The following MITF variants were observed in gnomAD, a reference collection of about 807,000 sequenced individuals.
The protein encoded by MITF is melanocyte inducing transcription factor, also known as microphthalmia-associated transcription factor.
In MITF, 17 loss-of-function variants were observed where a neutral mutation model predicts 60.5. The ratio of observed to expected loss-of-function variants is 0.28; its 90% CI spans 0.19 to 0.42. The LOEUF (loss-of-function observed/expected upper bound fraction) is 0.42, where lower values mean the gene tolerates loss of function less well. Ranked by LOEUF, MITF falls within the 10% of genes least tolerant of loss-of-function variation. MITF has a pLI of 1.00. For synonymous variants in MITF, 260 were observed against 248.5 expected (o/e 1.05, Z -0.43); for missense variants, 622 against 683.5 (o/e 0.91, Z 1.00).
chr3:69,801,409 A>G (rs1475446327), intron 1 of MITF, among the ~76,000 whole-genome samples: 2 of 152,232 alleles, frequency 1.3e-5, no homozygotes, highest in Non-Finnish European at 2.9e-5. Flanking sequence ...TGTCAAATCA[A>G]TAACAGTATA....
At chr3:69,745,018 T>A (rs1321699912) in intron 1 of MITF, among the ~76,000 whole-genome samples, 1 of 152,144 alleles carries the variant, frequency 6.6e-6, no homozygotes, top group African/African-American at 2.4e-5. Flanking sequence ...TAAAACCTAT[T>A]TAATCTTTGT....
At chr3:69,939,605 A>G (rs1447547562) in intron 4 of MITF, among the ~76,000 whole-genome samples, 2 of 152,056 alleles carry the variant, frequency 1.3e-5, no homozygotes, top group Non-Finnish European at 2.9e-5. Flanking sequence ...ATTTAATAAC[A>G]TATAATGGAT....
In MITF at chr3:69,786,352, G is replaced by A. The variant is rs550818678; in HGVS notation, c.104+46651G>A. On this transcript the variant is annotated intron_variant, in intron 1 of 9. Coordinates refer to ENST00000352241, the MANE Select transcript of MITF (RefSeq NM_001354604.2). ...GAATCCCTGCTTCTGTCTGCTTTACGGGATTGTTGACAGTAAATGAGTATG... is the reference window on the plus strand; with the variant it reads ...GAATCCCTGCTTCTGTCTGCTTTACAGGATTGTTGACAGTAAATGAGTATG... 2.6e-5 allele frequency among the ~76,000 whole-genome samples: 4 copies of A among 152,230 alleles called. No homozygotes were observed. In the South Asian group the frequency reaches 6.2e-4, roughly 24 times the overall value.
intron 2 of MITF, among the ~76,000 whole-genome samples, chr3:69,937,365 G>GATGT (rs1553701619): frequency 7.0e-6 from 1 of 142,116 alleles, no homozygotes; most frequent in African/African-American, 2.6e-5. Context: ...TTCTTAAGGA[G>GATGT]GTGTGTGTGT....
At chr3:69,743,560 A>T (rs556860311) in intron 1 of MITF, among the ~76,000 whole-genome samples, 1 of 152,192 alleles carries the variant, frequency 6.6e-6, no homozygotes, top group African/African-American at 2.4e-5. Context: ...AGATTATGTG[A>T]ATCTCATTTT....
At chr3:69,791,671 C>G (rs1055751366) in intron 1 of MITF, among the ~76,000 whole-genome samples, 1 of 152,058 alleles carries the variant, frequency 6.6e-6, no homozygotes, top group Admixed American at 6.5e-5. Flanking sequence ...TCTTATTATT[C>G]TGTTGTTTTT....
At chr3:69,962,018 A>G (rs1241439618) in intron 9 of MITF, among the ~76,000 whole-genome samples, 1 of 152,258 alleles carries the variant, frequency 6.6e-6, no homozygotes, top group Non-Finnish European at 1.5e-5. Context: ...AGAGTTCTCT[A>G]GATGAGATTT....
At chr3:69,771,015 C>T (rs1559620048) in intron 1 of MITF, among the ~76,000 whole-genome samples, 2 of 152,146 alleles carry the variant, frequency 1.3e-5, no homozygotes, top group Non-Finnish European at 2.9e-5. Flanking sequence ...ACAGCACCAC[C>T]GTAACTGACA....
intron 1 of MITF, among the ~76,000 whole-genome samples, chr3:69,782,457 G>A (rs2062581396): frequency 6.6e-6 from 1 of 152,184 alleles, no homozygotes; most frequent in African/African-American, 2.4e-5. Context: ...AAGTCTATTA[G>A]TTGCTGTTAT....
At chr3:69,826,363 A>C (rs140853622) in intron 1 of MITF, among the ~76,000 whole-genome samples, 5 of 152,284 alleles carry the variant, frequency 3.3e-5, no homozygotes, top group African/African-American at 1.2e-4. Flanking sequence ...TGGGAAATTG[A>C]TTCTTCCTCA....
At chr3:69,757,290 T>C (rs1037799257) in intron 1 of MITF, among the ~76,000 whole-genome samples, 4 of 152,192 alleles carry the variant, frequency 2.6e-5, no homozygotes, top group Non-Finnish European at 5.9e-5. Flanking sequence ...TTTCAAAATA[T>C]TTTCAGACTT....
At chr3:69,853,466 T>A (rs1281589402) in intron 1 of MITF, among the ~76,000 whole-genome samples, 1 of 152,096 alleles carries the variant, frequency 6.6e-6, no homozygotes, top group Non-Finnish European at 1.5e-5. Context: ...TTATTATTAT[T>A]AAATATATCA....
At chr3:69,805,200 G>C (rs1476797101) in intron 1 of MITF, among the ~76,000 whole-genome samples, 2 of 151,910 alleles carry the variant, frequency 1.3e-5, no homozygotes, top group Non-Finnish European at 2.9e-5. Context: ...CTATTGCCAC[G>C]TGTTTCTTAA....
At chr3:69,952,804 G>A (rs1428772433) in intron 7 of MITF, among the ~76,000 whole-genome samples, 1 of 151,962 alleles carries the variant, frequency 6.6e-6, no homozygotes, top group Non-Finnish European at 1.5e-5. Context: ...ATTTTATGTT[G>A]ATTTTTTTCT....
At chr3:69,804,131 C>T (rs1376217998) in intron 1 of MITF, among the ~76,000 whole-genome samples, 2 of 152,096 alleles carry the variant, frequency 1.3e-5, no homozygotes, top group African/African-American at 4.8e-5. Context: ...TAGTTTAATT[C>T]TTTGACTCAT....
At chr3:69,888,831 G>A (rs1000885687) in intron 2 of MITF, among the ~76,000 whole-genome samples, 1 of 151,778 alleles carries the variant, frequency 6.6e-6, no homozygotes, top group Admixed American at 6.6e-5. Flanking sequence ...GCCCCATTCA[G>A]CATTTTACTG....
At chr3:69,882,406 A>G (rs2064510191) in intron 2 of MITF, among the ~76,000 whole-genome samples, 1 of 152,134 alleles carries the variant, frequency 6.6e-6, no homozygotes, top group African/African-American at 2.4e-5. Context: ...TTTACATAGT[A>G]AAGATATTCT....
intron 1 of MITF, among the ~76,000 whole-genome samples, chr3:69,850,186 G>C (rs1489835918): frequency 2.0e-5 from 3 of 152,210 alleles, no homozygotes; most frequent in Admixed American, 6.5e-5. Flanking sequence ...TCCCTAGATG[G>C]ATATAATAGG....
chr3:69,918,746 C>A (rs2065394700), intron 2 of MITF, among the ~76,000 whole-genome samples: 1 of 152,134 alleles, frequency 6.6e-6, no homozygotes, highest in Non-Finnish European at 1.5e-5. Context: ...TATGAAAAGG[C>A]TTGAGCATTA....
Sources: allele counts gnomAD v4.1 joint callset (sites outside exome capture counted in the v4.1 genomes callset), GRCh38; gene constraint gnomAD v4.1.1; transcripts MANE v1.5; gene names NCBI Gene and HGNC (gene_info 2026-07-23, HGNC 2026-07-21).